The following PELI1 variants were observed in gnomAD, a reference collection of about 807,000 sequenced individuals.
PELI1 encodes E3 ubiquitin-protein ligase pellino homolog 1.
A neutral mutation model predicts 41.3 loss-of-function variants in PELI1; 15 were observed. That is an observed-to-expected ratio of 0.36 (90% CI 0.24 to 0.56). The LOEUF is 0.56. Ranked by LOEUF, PELI1 falls within the 20% of genes least tolerant of loss-of-function variation. The pLI is 0.82. For missense variants in PELI1, 403 were observed against 525.5 expected (o/e 0.77, Z 2.28); for synonymous variants, 178 against 180.1 (o/e 0.99, Z 0.09).
intron 1 of PELI1, among the ~76,000 whole-genome samples, chr2:64,114,885 C>T (rs1680939639): frequency 6.6e-6 from 1 of 152,186 alleles, no homozygotes; most frequent in South Asian, 2.1e-4. Flanking sequence ...TTGAAGACAA[C>T]ATACATTGTT....
chr2:64,101,158 G>A (rs996526061), intron 3 of PELI1, among the ~76,000 whole-genome samples: 1 of 151,820 alleles, frequency 6.6e-6, no homozygotes, highest in Non-Finnish European at 1.5e-5. Context: ...AAAATAAGAG[G>A]AATCTTATTT....
rs557573430 is a variant in PELI1, at chr2:64,127,122, T to A, written c.-70+16959A>T. The stretch of plus-strand genomic sequence containing the variant: ...ACCAAGACCAAAGAAAAGATTCCCT[T>A]AACGCCTATTAATTTGTAAAAGTCC... On this transcript the variant is annotated intron_variant, in intron 1 of 6. Transcript: ENST00000358912. Among the ~76,000 whole-genome samples, 147 of 152,330 alleles carry A rather than the reference T, an allele frequency of 9.7e-4. No homozygotes were observed. The Middle Eastern group carries it at 0.01, about 11-fold the overall frequency.
intron 1 of PELI1, among the ~76,000 whole-genome samples, chr2:64,124,654 C>T (rs1386267472): frequency 1.3e-5 from 2 of 152,228 alleles, no homozygotes; most frequent in African/African-American, 4.8e-5. Flanking sequence ...TAATCTGTTT[C>T]AGACTAGCTT....
rs115761464 is a variant in PELI1, at chr2:64,109,104, C to G, written c.-69-725G>C. Among the ~76,000 whole-genome samples the G allele has an allele frequency of 4.9e-3, 741 of 152,260 alleles. 10 individuals carry two copies. The highest frequency in any genetic ancestry group is 0.017 in the African/African-American group (704 of 41,550). On this transcript the variant is annotated intron_variant, in intron 1 of 6. Transcript: ENST00000358912. The stretch of plus-strand genomic sequence containing the variant: ...CTTTCACCCTGATGGCCGGGCATGC[C>G]CCAGCACCTACCTCAGTAGGTGTCA...
intron 1 of PELI1, among the ~76,000 whole-genome samples, chr2:64,121,453 T>A (rs1681206447): frequency 6.6e-6 from 1 of 152,202 alleles, no homozygotes; most frequent in East Asian, 1.9e-4. Flanking sequence ...TATATCATCA[T>A]TAACATCTTA....
chr2:64,095,208 A>C lies in PELI1; in HGVS notation c.751T>G (p.Leu251Val), dbSNP rs757233932. Residue 251 changes from leucine to valine, a missense_variant, in exon 7 of 7, where the codon TTG (leucine) becomes GTG (valine). Transcript: ENST00000358912. ...AGGCCTTCTGCAGTACGCCATAACA[A>C]TGTTGCACCACAGAGGTCAATTAAC... ...GSLIDLCGAT[L>V]LWRTAEGLSH... 13 of 1,614,116 alleles carry C rather than the reference A, an allele frequency of 8.1e-6. No individual in the cohort carries two copies. Among genetic ancestry groups the C allele is most frequent in the Non-Finnish European group, 1.0e-5 (12 of 1,179,988 alleles).
rs1415554589 is a variant in PELI1 at position 64,137,390 on chromosome 2, A to C, written c.-70+6691T>G. ...TAAACAATTTCACTGTGTTTTAAAT[A>C]CCATCCCTTTAGTCTTGAATGCAGA... On this transcript the variant is annotated intron_variant, in intron 1 of 6. Transcript: ENST00000358912. Among the ~76,000 whole-genome samples the C allele has an allele frequency of 2.6e-5, 4 of 152,316 alleles. No individual in the cohort carries two copies. In the East Asian group the frequency reaches 7.7e-4, roughly 29 times the overall value.
At chr2:64,131,840 C>T (rs553538104) in intron 1 of PELI1, among the ~76,000 whole-genome samples, 26 of 152,092 alleles carry the variant, frequency 1.7e-4, no homozygotes, top group Admixed American at 1.7e-3. Context: ...AGGCTGGTCT[C>T]GAACTCCTGA....
chr2:64,126,032 G>C lies in PELI1; in HGVS notation c.-69-17653C>G, dbSNP rs113253207. Among the ~76,000 whole-genome samples the C allele has an allele frequency of 1.4e-4, 22 of 152,298 alleles. 1 individual carries two copies. The highest frequency in any genetic ancestry group is 4.8e-4 in the African/African-American group (20 of 41,560). On this transcript the variant is annotated intron_variant, in intron 1 of 6. Coordinates refer to ENST00000358912, the MANE Select transcript of PELI1 (RefSeq NM_020651.4). ...AAACACTTCCGGTCCCAAGGATCTG[G>C]TTAAGGGATATATTCAACCTATACT... is the stretch of plus-strand genomic sequence containing the variant.
At position 64,140,844 on chromosome 2, in the gene PELI1, C is replaced by T. The variant is rs150879186; in HGVS notation, c.-70+3237G>A. On this transcript the variant is annotated intron_variant, in intron 1 of 6. Coordinates refer to ENST00000358912, the MANE Select transcript of PELI1 (RefSeq NM_020651.4). ...CTAGGGGCAGAACTTGAAATCATATCCAGATCTTTCAATGACCAATAATTC... is the reference window on the plus strand; with the variant it reads ...CTAGGGGCAGAACTTGAAATCATATTCAGATCTTTCAATGACCAATAATTC... Among the ~76,000 whole-genome samples the T allele has an allele frequency of 9.3e-4, 119 of 128,262 alleles. 2 individuals are homozygous for T. The highest frequency in any genetic ancestry group is 3.7e-3 in the African/African-American group (116 of 31,628). 84.1% of individuals were successfully genotyped at this position (128,262 alleles called of 152,430 possible).
At chr2:64,109,860 C>A (rs971476121) in intron 1 of PELI1, among the ~76,000 whole-genome samples, 1 of 152,096 alleles carries the variant, frequency 6.6e-6, no homozygotes, top group Non-Finnish European at 1.5e-5. Context: ...AAAAACAGAG[C>A]CTTATAGACC....
At chr2:64,138,847 T>C (rs569342761) in intron 1 of PELI1, among the ~76,000 whole-genome samples, 1 of 152,342 alleles carries the variant, frequency 6.6e-6, no homozygotes, top group Non-Finnish European at 1.5e-5. Context: ...TGTGTAAAAC[T>C]GTTTATTAGG....
In PELI1 at chr2:64,127,877, T is replaced by C. The variant is rs529301229; in HGVS notation, c.-70+16204A>G. 2.6e-4 allele frequency among the ~76,000 whole-genome samples: 40 copies of C among 152,236 alleles called. 1 individual carries two copies. Among genetic ancestry groups the C allele is most frequent in the African/African-American group, 9.6e-4 (40 of 41,550 alleles). On this transcript the variant is annotated intron_variant, in intron 1 of 6. Coordinates refer to ENST00000358912, the MANE Select transcript of PELI1 (RefSeq NM_020651.4). ...GACTATCTTTTTTCCTTTTTTCAAA[T>C]CAACTCTCCACCTTAGTTTATCTAT... is the stretch of plus-strand genomic sequence containing the variant.
intron 1 of PELI1, among the ~76,000 whole-genome samples, chr2:64,119,148 TAAG>T (rs946388281): frequency 6.6e-6 from 1 of 152,168 alleles, no homozygotes; most frequent in Non-Finnish European, 1.5e-5. Context: ...AAATATTCTC[TAAG>T]AACACAAAAG....
At position 64,096,613 on chromosome 2, in the gene PELI1, G is replaced by A. The variant is rs750207544; in HGVS notation, c.304-3C>T. On this transcript the variant is annotated splice_polypyrimidine_tract_variant and splice_region_variant and intron_variant, in intron 4 of 6. Transcript: ENST00000358912. ...GGGCTTTCAGTCGACCGGCCAATCT[G>A]AGGGAAAAAAAAAAATACCTATAAA... 1.3e-6 allele frequency: 2 copies of A among 1,589,284 alleles called. No homozygotes were observed. Among genetic ancestry groups the A allele is most frequent in the Admixed American group, 1.8e-5 (1 of 55,812 alleles).
intron 1 of PELI1, among the ~76,000 whole-genome samples, chr2:64,131,410 A>G (rs543990544): frequency 8.0e-4 from 121 of 152,106 alleles, no homozygotes; most frequent in African/African-American, 2.6e-3. Flanking sequence ...AGTGCTATGA[A>G]AATAGTTGTT....
intron 2 of PELI1, 85 bp from the exon 3 acceptor site, chr2:64,104,915 A>T: frequency 3.5e-6 from 4 of 1,127,780 alleles, no homozygotes; most frequent in Non-Finnish European, 5.1e-6. Context: ...TTGCAGAATC[A>T]ATTCCCAATT....
chr2:64,133,026 T>A (rs1306646829), intron 1 of PELI1, among the ~76,000 whole-genome samples: 1 of 152,216 alleles, frequency 6.6e-6, no homozygotes, highest in East Asian at 1.9e-4. Flanking sequence ...CTCAGGCCTC[T>A]TTATTTCTTG....
Position 64,104,697 on chromosome 2 carries a change from T to C in PELI1, c.201+4A>G. On this transcript the variant is annotated splice_donor_region_variant and intron_variant, in intron 3 of 6. Coordinates refer to ENST00000358912, the MANE Select transcript of PELI1 (RefSeq NM_020651.4). ...TTTATGTAGCTTTTTTTTTTTTTTT[T>C]TACCTTTGCAGCCTGAGGAGTACAA... The C allele has an allele frequency of 1.3e-6, 2 of 1,551,130 alleles. No individual in the cohort carries two copies. The highest frequency in any genetic ancestry group is 1.7e-6 in the Non-Finnish European group (2 of 1,156,370).
Sources: allele counts gnomAD v4.1 joint callset (sites outside exome capture counted in the v4.1 genomes callset), GRCh38; gene constraint gnomAD v4.1.1; transcripts MANE v1.5; gene names NCBI Gene and HGNC (gene_info 2026-07-23, HGNC 2026-07-21).